TENM1: variants seen among roughly 807,000 people sequenced by gnomAD.
The protein encoded by TENM1 is teneurin-1.
Under a neutral mutation model 174.8 loss-of-function variants are expected in TENM1, and 35 were observed. The ratio of observed to expected loss-of-function variants is 0.20; its 90% CI spans 0.15 to 0.27. The LOEUF (loss-of-function observed/expected upper bound fraction) is 0.27, where lower values mean the gene tolerates loss of function less well. Ranked by LOEUF, TENM1 falls within the 10% of genes least tolerant of loss-of-function variation. The pLI is 1.00. For missense variants in TENM1, 1,633 were observed against 2,130.1 expected, an observed-to-expected ratio of 0.77 and a Z score of 4.59; for synonymous variants, 781 against 798.7, an observed-to-expected ratio of 0.98 and a Z score of 0.37.
chrX:124,940,721 A>G (rs931791530), intron 1 of TENM1, among the ~76,000 whole-genome samples: 3 of 111,193 alleles, frequency 2.7e-5, no homozygotes, highest in Non-Finnish European at 5.7e-5. Context: ...CCTACTTAAC[A>G]TAGACAGCAG....
At chrX:124,628,451 A>G (rs1758124244) in intron 11 of TENM1, among the ~76,000 whole-genome samples, 1 of 111,234 alleles carries the variant, frequency 9.0e-6, no homozygotes, top group Non-Finnish European at 1.9e-5. Context: ...AATTATTAAA[A>G]TTAATTTAAA....
intron 5 of TENM1, among the ~76,000 whole-genome samples, chrX:124,689,487 G>A (rs2052462203): frequency 8.9e-6 from 1 of 111,747 alleles, no homozygotes; most frequent in African/African-American, 3.3e-5. Context: ...TGTTTACAAA[G>A]CAAGTGCAAT....
exon 23 of TENM1, chrX:124,453,490 G>T: frequency 8.3e-7 from 1 of 1,206,044 alleles, no homozygotes; most frequent in Non-Finnish European, 1.1e-6. Context: ...CAACTGTGAT[G>T]CCTGTTGGGA....
intron 3 of TENM1, among the ~76,000 whole-genome samples, chrX:124,825,804 A>G (rs2056146918): frequency 1.8e-5 from 2 of 112,018 alleles, no homozygotes; most frequent in Non-Finnish European, 3.8e-5. Context: ...TGTAGGATGT[A>G]GCCGTCAGGT....
At chrX:125,071,134 A>T in the TENM1 span, among the ~76,000 whole-genome samples, 2 of 111,857 alleles carry the variant, frequency 1.8e-5, no homozygotes, top group African/African-American at 6.5e-5. Flanking sequence ...TTCCTAACCA[A>T]ATTTCACACC....
chrX:124,771,915 ATTAAGTG>A (rs1442876321), intron 3 of TENM1, among the ~76,000 whole-genome samples: 2 of 111,919 alleles, frequency 1.8e-5, no homozygotes, highest in East Asian at 2.8e-4. Context: ...GTCAAGTTGT[ATTAAGTG>A]TTAAGTCCAT....
At chrX:124,396,604 T>G (rs1428765863) in intron 27 of TENM1, among the ~76,000 whole-genome samples, 2 of 110,860 alleles carry the variant, frequency 1.8e-5, no homozygotes, top group African/African-American at 6.6e-5. Context: ...ACGCCAGGCC[T>G]CCAACCTCCT....
intron 4 of TENM1, among the ~76,000 whole-genome samples, chrX:124,720,218 T>C (rs764795293): frequency 4.5e-5 from 5 of 112,133 alleles, no homozygotes; most frequent in South Asian, 7.6e-4. Context: ...GAGTTTAACA[T>C]GCCTCGTTAT....
intron 11 of TENM1, among the ~76,000 whole-genome samples, chrX:124,640,184 GTTATTA>G (rs1211482335): frequency 3.6e-5 from 4 of 110,648 alleles, no homozygotes; most frequent in African/African-American, 1.3e-4. Context: ...TTTCATTTTC[GTTATTA>G]TTAGATTACC....
intron 3 of TENM1, among the ~76,000 whole-genome samples, chrX:124,780,094 G>T (rs2054874734): frequency 9.0e-6 from 1 of 111,561 alleles, no homozygotes; most frequent in Admixed American, 9.5e-5. Flanking sequence ...AAACCACAAG[G>T]TCTAAATTAC....
chrX:124,489,717 T>C (rs2047025134), intron 20 of TENM1, among the ~76,000 whole-genome samples: 1 of 111,902 alleles, frequency 8.9e-6, no homozygotes, highest in Non-Finnish European at 1.9e-5. Flanking sequence ...TTTGGAGCTG[T>C]TTTCTAGTGA....
At chrX:124,487,585 T>G (rs989195346) in intron 20 of TENM1, among the ~76,000 whole-genome samples, 5 of 111,754 alleles carry the variant, frequency 4.5e-5, no homozygotes, top group African/African-American at 1.6e-4. Context: ...ATCAGAATCT[T>G]GGGTGGAGGT....
intron 1 of TENM1, among the ~76,000 whole-genome samples, chrX:124,954,540 A>G (rs2058541691): frequency 9.0e-6 from 1 of 111,719 alleles, no homozygotes; most frequent in African/African-American, 3.3e-5. Context: ...TAGAAACAAA[A>G]CCCAGACCAT....
At chrX:124,493,855 T>A (rs190549087) in intron 20 of TENM1, among the ~76,000 whole-genome samples, 2 of 111,805 alleles carry the variant, frequency 1.8e-5, no homozygotes, top group East Asian at 5.6e-4. Flanking sequence ...CTAAAAGTGC[T>A]TTGTCTTTAT....
intron 22 of TENM1, among the ~76,000 whole-genome samples, chrX:124,460,371 A>T (rs2061156094): frequency 8.9e-6 from 1 of 112,132 alleles, no homozygotes; most frequent in Non-Finnish European, 1.9e-5. Context: ...AATGTGGTAC[A>T]TATACACCAT....
At chrX:124,824,623 A>G (rs745900563) in intron 3 of TENM1, among the ~76,000 whole-genome samples, 10 of 112,055 alleles carry the variant, frequency 8.9e-5, no homozygotes, top group Non-Finnish European at 1.7e-4. Context: ...AGATTAAAAC[A>G]CATTTAGTTT....
At chrX:124,447,791 T>C (rs1014705212) in intron 23 of TENM1, among the ~76,000 whole-genome samples, 10 of 111,402 alleles carry the variant, frequency 9.0e-5, no homozygotes, top group Non-Finnish European at 3.8e-5. Flanking sequence ...AATACTGGTG[T>C]TCCATAGAGT....
chrX:125,028,461 A>G, the TENM1 span, among the ~76,000 whole-genome samples: 1 of 112,117 alleles, frequency 8.9e-6, no homozygotes, highest in Non-Finnish European at 1.9e-5. Flanking sequence ...GTTCTTTCTT[A>G]TAAGTGGGAG....
At chrX:124,607,377 CCTCT>C (rs2050184713) in intron 11 of TENM1, among the ~76,000 whole-genome samples, 1 of 110,493 alleles carries the variant, frequency 9.1e-6, no homozygotes, top group Admixed American at 9.7e-5. Flanking sequence ...TCAGGGAAAG[CCTCT>C]CTAATAATTT....
Sources: gnomAD v4.1 joint callset for allele counts (sites outside exome capture counted in the v4.1 genomes callset) on GRCh38, gnomAD v4.1.1 for gene constraint, MANE v1.5 for transcripts, NCBI Gene and HGNC (gene_info 2026-07-23, HGNC 2026-07-21) for gene names.